CSF1: variants seen among roughly 807,000 people sequenced by gnomAD.
CSF1 encodes macrophage colony-stimulating factor 1.
In CSF1, 9 loss-of-function variants were observed where a neutral mutation model predicts 48.9. The ratio of observed to expected loss-of-function variants is 0.18; its 90% CI spans 0.11 to 0.32. The LOEUF is 0.32. Ranked by LOEUF, CSF1 falls within the 10% of genes least tolerant of loss-of-function variation. The pLI is 1.00. For synonymous variants in CSF1, 305 were observed against 284.1 expected, an observed-to-expected ratio of 1.07 and a Z score of -0.74; for missense variants, 672 against 697.9, an observed-to-expected ratio of 0.96 and a Z score of 0.42.
Position 109,924,041 on chromosome 1 carries a change from G to C in CSF1, c.1420G>C (p.Val474Leu), listed in dbSNP as rs548942397. 6.2e-7 allele frequency: 1 copy of C among 1,614,098 alleles called. No homozygotes were observed. Among genetic ancestry groups the C allele is most frequent in the African/African-American group, 1.3e-5 (1 of 74,928 alleles). The change falls in exon 6 of 9, where the codon GTT becomes CTT. Residue 474 changes from valine (V) to leucine (L), a missense_variant. Transcript: ENST00000329608. ...CAGGCCCCTGCCCCGTTTTAACTCC[G>C]TTCCTTTGACTGACACAGGCCATGA... Reference protein sequence around the residue: ...AARPLPRFNSVPLTDTGHERQ... With the variant: ...AARPLPRFNSLPLTDTGHERQ...
chr1:109,928,820 T>C (rs1570805784), intron 8 of CSF1, 32 bp from the exon 9 acceptor site: 1 of 152,710 alleles, frequency 6.5e-6, no homozygotes, highest in Non-Finnish European at 1.5e-5. Flanking sequence ...GCATTCCCAC[T>C]CTGCTGACTA....
chr1:109,917,669 C>A (rs190506839), intron 4 of CSF1, among the ~76,000 whole-genome samples: 20 of 152,330 alleles, frequency 1.3e-4, no homozygotes, highest in Non-Finnish European at 2.5e-4. Flanking sequence ...TCATGAGCAA[C>A]AAATACATGG....
chr1:109,914,718 C>T (rs901269002), intron 2 of CSF1, among the ~76,000 whole-genome samples: 3 of 152,240 alleles, frequency 2.0e-5, no homozygotes, highest in African/African-American at 7.2e-5. Flanking sequence ...GGGATGCCTC[C>T]TCTGGGAAGC....
At chr1:109,924,244 C>A (rs1225242661) in intron 6 of CSF1, 54 bp downstream of exon 6, 13 of 1,496,376 alleles carry the variant, frequency 8.7e-6, no homozygotes, top group Non-Finnish European at 1.2e-5. Flanking sequence ...AGGGGCAGAG[C>A]CTGGCGGGGG....
Position 109,911,034 on chromosome 1 carries a change from C to G in CSF1, c.11C>G (p.Pro4Arg). 1.8e-6 allele frequency: 2 copies of G among 1,139,120 alleles called. No individual in the cohort carries two copies. The highest frequency in any genetic ancestry group is 2.2e-6 in the Non-Finnish European group (2 of 929,390). 70.6% of individuals were successfully genotyped at this position (1,139,120 alleles called of 1,614,324 possible). Reference protein sequence around the residue: MTAPGAAGRCPPTT... With the variant: MTARGAAGRCPPTT... The stretch of plus-strand genomic sequence containing the variant: ...GACCCAGCTGCCCGTATGACCGCGC[C>G]GGGCGCCGCCGGGCGCTGCCCTCCC... The change falls in exon 1 of 9, where the codon CCG (proline) becomes CGG (arginine). Residue 4 changes from proline (P) to arginine (R), a missense_variant. Pro to Arg is a moderately radical substitution (Grantham distance 103). Coordinates refer to ENST00000329608, the MANE Select transcript of CSF1 (RefSeq NM_000757.6).
intron 4 of CSF1, among the ~76,000 whole-genome samples, chr1:109,920,581 T>G (rs1385270364): frequency 6.6e-6 from 1 of 152,166 alleles, no homozygotes; most frequent in Non-Finnish European, 1.5e-5. Context: ...CCTCCCAACA[T>G]GCTGGGATTA....
intron 4 of CSF1, among the ~76,000 whole-genome samples, chr1:109,919,297 G>C (rs915214722): frequency 3.3e-5 from 5 of 152,132 alleles, no homozygotes; most frequent in Non-Finnish European, 5.9e-5. Context: ...GAAGTTCAGC[G>C]GCGCAATCAC....
In CSF1 at chr1:109,930,809, G is replaced by C. The variant is rs900284822; in HGVS notation, c.*1971G>C. The C allele has an allele frequency of 2.6e-5, 4 of 152,158 alleles. No individual in the cohort carries two copies. Among genetic ancestry groups the C allele is most frequent in the Non-Finnish European group, 4.4e-5 (3 of 68,034 alleles). The allele number at this position is 152,158 out of a possible 1,614,324, so 9.4% of individuals were successfully genotyped here. On this transcript the variant is annotated 3_prime_UTR_variant, in exon 9 of 9. Coordinates refer to ENST00000329608, the MANE Select transcript of CSF1 (RefSeq NM_000757.6). ...AGAGCCACCTCTGGTGTCCCCCCAGGCTACCTGCTCAGGAACCCCTTCTGT... is the reference window on the plus strand; with the variant it reads ...AGAGCCACCTCTGGTGTCCCCCCAGCCTACCTGCTCAGGAACCCCTTCTGT...
chr1:109,920,479 T>C (rs953762800), intron 4 of CSF1, among the ~76,000 whole-genome samples: 2 of 152,088 alleles, frequency 1.3e-5, no homozygotes, highest in African/African-American at 4.8e-5. Context: ...CCACCATGCC[T>C]GGCTAATTTT....
Position 109,923,777 on chromosome 1 carries a change from A to C in CSF1, c.1156A>C (p.Lys386Gln), listed in dbSNP as rs1460606293. 6.2e-7 allele frequency: 1 copy of C among 1,608,300 alleles called. No individual in the cohort carries two copies. The highest frequency in any genetic ancestry group is 8.5e-7 in the Non-Finnish European group (1 of 1,177,262). Residue 386 changes from lysine (K) to glutamine (Q), a missense_variant, in exon 6 of 9, where the codon AAG (lysine) becomes CAG (glutamine). Lys to Gln is a moderately conservative substitution (Grantham distance 53). Around this residue, in one of 3 missense-constraint regions of CSF1, gnomAD observed 591 missense variants for 593.6 expected, o/e 1.00. Transcript: ENST00000329608. ...CCAGGACTGGAATCACACCCCCCAG[A>C]AGACAGACCATCCATCTGCCCTGCT... is the stretch of plus-strand genomic sequence containing the variant. The part of the protein sequence containing the change: ...TGQDWNHTPQ[K>Q]TDHPSALLRD...
intron 4 of CSF1, among the ~76,000 whole-genome samples, chr1:109,920,030 G>A (rs1003186686): frequency 6.6e-6 from 1 of 151,914 alleles, no homozygotes; most frequent in Non-Finnish European, 1.5e-5. Flanking sequence ...TGATGATTAT[G>A]ACCCCCTTGG....
intron 4 of CSF1, among the ~76,000 whole-genome samples, chr1:109,921,189 A>G (rs1158552377): frequency 6.6e-6 from 1 of 152,222 alleles, no homozygotes; most frequent in Non-Finnish European, 1.5e-5. Flanking sequence ...GGACAAAACT[A>G]AAAGTTCTGG....
At chr1:109,918,106 G>T (rs1647337644) in intron 4 of CSF1, among the ~76,000 whole-genome samples, 1 of 152,174 alleles carries the variant, frequency 6.6e-6, no homozygotes, top group African/African-American at 2.4e-5. Flanking sequence ...GACAAGAAAG[G>T]CTTCTGAGTA....
chr1:109,924,564 G>C (rs1372773811), intron 6 of CSF1, among the ~76,000 whole-genome samples: 1 of 152,132 alleles, frequency 6.6e-6, no homozygotes, highest in African/African-American at 2.4e-5. Flanking sequence ...ATAGGGAACA[G>C]CCTGCAAGGG....
intron 1 of CSF1, among the ~76,000 whole-genome samples, chr1:109,912,922 G>A (rs1337200253): frequency 6.6e-6 from 1 of 151,728 alleles, no homozygotes; most frequent in Non-Finnish European, 1.5e-5. Context: ...GATCCTCACA[G>A]TCCCTGTGCT....
intron 8 of CSF1, among the ~76,000 whole-genome samples, chr1:109,927,494 G>T (rs2101659350): frequency 6.6e-6 from 1 of 152,250 alleles, no homozygotes; most frequent in South Asian, 2.1e-4. Flanking sequence ...CTTCCCACGG[G>T]TCGTCTGTCC....
At chr1:109,923,124 C>A in intron 5 of CSF1, 42 bp from the exon 6 acceptor site, 1 of 1,496,758 alleles carries the variant, frequency 6.7e-7, no homozygotes, top group South Asian at 1.4e-5. Context: ...GACTCTATCT[C>A]CTCCCCATCT....
intron 8 of CSF1, among the ~76,000 whole-genome samples, chr1:109,928,338 G>T: frequency 6.6e-6 from 1 of 152,154 alleles, no homozygotes; most frequent in Non-Finnish European, 1.5e-5. Context: ...TTCCTCTCTG[G>T]CCCAAGTTGT....
At chr1:109,913,912 G>T (rs1450689273) in intron 1 of CSF1, among the ~76,000 whole-genome samples, 1 of 152,218 alleles carries the variant, frequency 6.6e-6, no homozygotes, top group Non-Finnish European at 1.5e-5. Context: ...AAAAAAATGG[G>T]TAGATGCAAG....
Sources: gnomAD v4.1 joint callset for allele counts (sites outside exome capture counted in the v4.1 genomes callset) on GRCh38, gnomAD v4.1.1 for gene constraint, gnomAD v4.1.1 regional missense constraint, MANE v1.5 for transcripts, NCBI Gene and HGNC (gene_info 2026-07-23, HGNC 2026-07-21) for gene names.